Variants in PLXDC2 observed in about 807,000 individuals in gnomAD.
PLXDC2 encodes the protein plexin domain-containing protein 2.
In PLXDC2, 40 loss-of-function variants were observed where a neutral mutation model predicts 68.9. The ratio of observed to expected loss-of-function variants is 0.58; its 90% CI spans 0.45 to 0.76. PLXDC2 has a LOEUF of 0.76. Among genes scored for constraint, PLXDC2 ranks in the 30% least tolerant of loss-of-function variants. The pLI is 0.00. For missense variants in PLXDC2, 644 were observed against 661.9 expected, an observed-to-expected ratio of 0.97 and a Z score of 0.30; for synonymous variants, 243 against 234.2, an observed-to-expected ratio of 1.04 and a Z score of -0.34.
At chr10:20,271,912 G>C (rs1184434563) in intron 13 of PLXDC2, among the ~76,000 whole-genome samples, 1 of 152,144 alleles carries the variant, frequency 6.6e-6, no homozygotes, top group Non-Finnish European at 1.5e-5. Context: ...AAGTTTTTAT[G>C]TACAAATATA....
chr10:20,237,776 T>C (rs1835453418), intron 12 of PLXDC2, among the ~76,000 whole-genome samples: 1 of 152,218 alleles, frequency 6.6e-6, no homozygotes, highest in South Asian at 2.1e-4. Context: ...AGCAAATTTG[T>C]GCATGACATT....
chr10:20,063,711 G>GTT (rs1564301527), intron 3 of PLXDC2, among the ~76,000 whole-genome samples: 6 of 152,160 alleles, frequency 3.9e-5, no homozygotes, highest in African/African-American at 1.4e-4. Context: ...AGTATGACCT[G>GTT]AATGAGTCTG....
intron 9 of PLXDC2, among the ~76,000 whole-genome samples, chr10:20,202,540 G>C (rs1329941014): frequency 6.6e-6 from 1 of 151,666 alleles, no homozygotes; most frequent in Non-Finnish European, 1.5e-5. Context: ...AAGAAGGATT[G>C]TGTAAGTCAA....
At chr10:20,131,739 A>G (rs954744993) in intron 4 of PLXDC2, among the ~76,000 whole-genome samples, 1 of 152,158 alleles carries the variant, frequency 6.6e-6, no homozygotes, top group African/African-American at 2.4e-5. Flanking sequence ...TAGTTTAACT[A>G]AAAGTTACTC....
intron 4 of PLXDC2, among the ~76,000 whole-genome samples, chr10:20,083,470 C>A (rs1836614573): frequency 1.1e-5 from 1 of 93,548 alleles, no homozygotes; most frequent in Non-Finnish European, 1.9e-5. Context: ...GAGCGAGACT[C>A]CGTCTCAAAA....
chr10:20,217,896 T>C (rs2131864178), intron 11 of PLXDC2, among the ~76,000 whole-genome samples: 1 of 152,258 alleles, frequency 6.6e-6, no homozygotes, highest in South Asian at 2.1e-4. Context: ...CTAAATTTTG[T>C]ACTAAGCAAA....
At chr10:20,202,179 T>C (rs1834929472) in intron 9 of PLXDC2, among the ~76,000 whole-genome samples, 1 of 152,040 alleles carries the variant, frequency 6.6e-6, no homozygotes. Context: ...TGGATCTTTA[T>C]AAAAAAGGAA....
At chr10:19,930,201 T>A (rs1044460421) in intron 1 of PLXDC2, among the ~76,000 whole-genome samples, 3 of 152,196 alleles carry the variant, frequency 2.0e-5, no homozygotes, top group Non-Finnish European at 4.4e-5. Flanking sequence ...TTTAGGAGAT[T>A]ATTTCATTAA....
At chr10:19,977,951 AC>A (rs1834486886) in intron 1 of PLXDC2, among the ~76,000 whole-genome samples, 1 of 152,134 alleles carries the variant, frequency 6.6e-6, no homozygotes, top group Non-Finnish European at 1.5e-5. Flanking sequence ...TCTCTGTTTT[AC>A]CCTTTCCAGA....
intron 5 of PLXDC2, among the ~76,000 whole-genome samples, chr10:20,144,273 C>A (rs938838016): frequency 6.6e-6 from 1 of 152,054 alleles, no homozygotes; most frequent in African/African-American, 2.4e-5. Flanking sequence ...AGAGTTATTT[C>A]TACTTTTATC....
intron 13 of PLXDC2, among the ~76,000 whole-genome samples, chr10:20,258,600 G>A (rs1488877027): frequency 1.3e-5 from 2 of 151,664 alleles, no homozygotes; most frequent in African/African-American, 2.4e-5. Context: ...CTTCTCACTC[G>A]TTCTCTTCAC....
chr10:20,173,429 G>A (rs184937564), intron 7 of PLXDC2, among the ~76,000 whole-genome samples: 2 of 152,204 alleles, frequency 1.3e-5, no homozygotes, highest in Admixed American at 1.3e-4. Context: ...ATGCCTCAAG[G>A]TACTCATTAG....
intron 1 of PLXDC2, among the ~76,000 whole-genome samples, chr10:19,869,293 G>A (rs1054838766): frequency 4.0e-5 from 6 of 151,762 alleles, no homozygotes; most frequent in African/African-American, 4.8e-5. Context: ...GTGTGGTGGC[G>A]TGCACCTGTG....
chr10:20,073,789 TTTTC>T (rs1245721539), intron 4 of PLXDC2, among the ~76,000 whole-genome samples: 24 of 152,274 alleles, frequency 1.6e-4, no homozygotes, highest in African/African-American at 5.1e-4. Context: ...CACTACATTA[TTTTC>T]TTTCTATTTC....
intron 12 of PLXDC2, among the ~76,000 whole-genome samples, chr10:20,234,217 A>C (rs546495025): frequency 1.3e-5 from 2 of 152,188 alleles, no homozygotes; most frequent in Admixed American, 6.5e-5. Flanking sequence ...CCTTGCAACT[A>C]TACAACTCGT....
At chr10:19,870,174 G>A (rs1837507599) in intron 1 of PLXDC2, among the ~76,000 whole-genome samples, 2 of 152,134 alleles carry the variant, frequency 1.3e-5, no homozygotes, top group South Asian at 2.1e-4. Flanking sequence ...GAAATGAAGA[G>A]ATACTGCAGC....
intron 4 of PLXDC2, among the ~76,000 whole-genome samples, chr10:20,140,186 G>A (rs1050093883): frequency 5.3e-5 from 8 of 152,026 alleles, no homozygotes; most frequent in Admixed American, 4.6e-4. Flanking sequence ...TGTAGTCTCA[G>A]CTTCTCAGGA....
chr10:20,220,597 A>C (rs552431439), intron 12 of PLXDC2, among the ~76,000 whole-genome samples: 1 of 152,220 alleles, frequency 6.6e-6, no homozygotes, highest in African/African-American at 2.4e-5. Context: ...TGATCGAATA[A>C]GTGTGAGAGA....
intron 7 of PLXDC2, among the ~76,000 whole-genome samples, chr10:20,173,069 A>C (rs937863656): frequency 8.5e-5 from 13 of 152,338 alleles, no homozygotes; most frequent in African/African-American, 2.9e-4. Context: ...TAGCCACTAT[A>C]ATAGTGTCAT....
Sources: allele counts gnomAD v4.1 joint callset (sites outside exome capture counted in the v4.1 genomes callset), GRCh38; gene constraint gnomAD v4.1.1; transcripts MANE v1.5; gene names NCBI Gene and HGNC (gene_info 2026-07-23, HGNC 2026-07-21).